The following DGKD variants were observed in gnomAD, a reference collection of about 807,000 sequenced individuals.
DGKD encodes the protein DAG kinase delta.
DGKD carries 68 observed loss-of-function variants against 154.4 expected under a neutral mutation model. The observed-to-expected ratio is 0.44, with a 90% CI of 0.36 to 0.54. The LOEUF (loss-of-function observed/expected upper bound fraction) is 0.54, where lower values mean the gene tolerates loss of function less well. DGKD is among the 20% of genes least tolerant of loss of function. The pLI, the probability that DGKD is intolerant of heterozygous loss-of-function variation, is 0.00. For synonymous variants in DGKD, 693 were observed against 638.0 expected (o/e 1.09, Z -1.30); for missense variants, 1,343 against 1,593.6 (o/e 0.84, Z 2.68).
intron 1 of DGKD, among the ~76,000 whole-genome samples, chr2:233,361,386 C>T (rs1285013532): frequency 6.6e-6 from 1 of 152,176 alleles, no homozygotes; most frequent in Non-Finnish European, 1.5e-5. Flanking sequence ...TCCCTCTAAT[C>T]CTCCCAGTTA....
At chr2:233,447,395 A>T in intron 12 of DGKD, 1 of 805,724 alleles carries the variant, frequency 1.2e-6, no homozygotes, top group Non-Finnish European at 1.5e-6. Context: ...TAGTACAAAG[A>T]GGTGAGCTTT....
At chr2:233,356,944 T>C (rs1701555923) in intron 1 of DGKD, among the ~76,000 whole-genome samples, 1 of 152,254 alleles carries the variant, frequency 6.6e-6, no homozygotes, top group South Asian at 2.1e-4. Flanking sequence ...AGAACTCACC[T>C]TAAGTATTTG....
intron 3 of DGKD, among the ~76,000 whole-genome samples, chr2:233,424,670 C>T (rs914856703): frequency 2.0e-5 from 3 of 152,210 alleles, no homozygotes; most frequent in African/African-American, 7.2e-5. Context: ...CAGGGCTCCG[C>T]CTGGAGCCCC....
At chr2:233,403,771 C>G (rs910541616) in intron 3 of DGKD, among the ~76,000 whole-genome samples, 1 of 151,766 alleles carries the variant, frequency 6.6e-6, no homozygotes. Flanking sequence ...TCCTGAGTAG[C>G]TGGGATTATA....
At chr2:233,374,570 A>G (rs1197257991) in intron 1 of DGKD, among the ~76,000 whole-genome samples, 1 of 152,052 alleles carries the variant, frequency 6.6e-6, no homozygotes, top group Non-Finnish European at 1.5e-5. Context: ...CCTGGGCACA[A>G]GTGATTTGCC....
At chr2:233,466,466 C>A (rs2063825624) in intron 27 of DGKD, among the ~76,000 whole-genome samples, 1 of 152,038 alleles carries the variant, frequency 6.6e-6, no homozygotes, top group Admixed American at 6.6e-5. Flanking sequence ...GTTTTACTTT[C>A]AAGCTTTATT....
At chr2:233,411,528 A>C (rs1312820204) in intron 3 of DGKD, among the ~76,000 whole-genome samples, 2 of 151,962 alleles carry the variant, frequency 1.3e-5, no homozygotes, top group Non-Finnish European at 2.9e-5. Context: ...CATTTTTTTA[A>C]TTGGGTTCTT....
intron 16 of DGKD, 81 bp from the exon 17 acceptor site, chr2:233,450,841 T>A (rs1575148400): frequency 6.5e-7 from 1 of 1,535,644 alleles, no homozygotes; most frequent in Non-Finnish European, 8.9e-7. Flanking sequence ...CCCTCCCACC[T>A]GCTCGTGTCG....
chr2:233,434,702 C>T (rs1033708646), intron 4 of DGKD, 67 bp from the exon 5 acceptor site: 3 of 1,572,832 alleles, frequency 1.9e-6, no homozygotes, highest in Non-Finnish European at 8.6e-7. Context: ...TAATCTTGTC[C>T]AAGTTACTGC....
chr2:233,416,128 G>A (rs1255979283), intron 3 of DGKD, among the ~76,000 whole-genome samples: 1 of 151,976 alleles, frequency 6.6e-6, no homozygotes, highest in African/African-American at 2.4e-5. Flanking sequence ...ATGTTTTATT[G>A]TGGTAGAATA....
chr2:233,382,406 C>A (rs1702949772), intron 1 of DGKD, among the ~76,000 whole-genome samples: 1 of 152,140 alleles, frequency 6.6e-6, no homozygotes, highest in South Asian at 2.1e-4. Context: ...GTTTTACCTG[C>A]TTTTTTGTTG....
chr2:233,419,318 T>G (rs1277861795), intron 3 of DGKD: 1 of 985,434 alleles, frequency 1.0e-6, no homozygotes, highest in Non-Finnish European at 1.2e-6. Flanking sequence ...ATCTGTAGGC[T>G]CTTGCCCATT....
At chr2:233,414,517 C>T (rs978094375) in intron 3 of DGKD, among the ~76,000 whole-genome samples, 4 of 152,200 alleles carry the variant, frequency 2.6e-5, no homozygotes, top group African/African-American at 7.2e-5. Context: ...GGGGAGACCA[C>T]GGCATGCCTT....
At chr2:233,446,601 T>C (rs1335475453) in intron 11 of DGKD, 111 bp from the exon 12 acceptor site, 2 of 1,113,248 alleles carry the variant, frequency 1.8e-6, no homozygotes, top group African/African-American at 1.5e-5. Flanking sequence ...AAAAATGAAG[T>C]CAGAAACGGT....
At position 233,459,059 on chromosome 2, in the gene DGKD, A is replaced by G. The variant is rs2063544490; in HGVS notation, c.2694+662A>G. 1.3e-5 allele frequency among the ~76,000 whole-genome samples: 2 copies of G among 152,060 alleles called. No homozygotes were observed. The highest frequency in any genetic ancestry group is 4.1e-4 in the South Asian group (2 of 4,822). ...TGGCTCTGATGTGGGGTGTGGGAGG[A>G]TTTCCAGCTGGGGCCCTCGATCATG... is the stretch of plus-strand genomic sequence containing the variant. On this transcript the variant is annotated intron_variant, in intron 22 of 29. Transcript: ENST00000264057. The surrounding 1 kb of genome is among the most constrained non-coding windows in gnomAD (Gnocchi z 5.7).
chr2:233,363,580 A>G (rs377655787), intron 1 of DGKD, among the ~76,000 whole-genome samples: 1 of 152,236 alleles, frequency 6.6e-6, no homozygotes, highest in Non-Finnish European at 1.5e-5. Context: ...CAAAGCATAG[A>G]GTACTGGTCA....
chr2:233,438,808 A>ATCTATCTG lies in DGKD; in HGVS notation c.1085+431_1085+438dup, dbSNP rs1268602077. On this transcript the variant is annotated intron_variant, in intron 9 of 29. Transcript: ENST00000264057. This position sits in a 1 kb window ranked among gnomAD's most constrained non-coding sequence, Gnocchi z 4.1. Reference sequence around the variant, plus strand: ...TATCTATCTATCTATCTATCTATCTATCTATCTGTGGGTGTATTTTCCTGG... The same window carrying ATCTATCTG: ...TATCTATCTATCTATCTATCTATCTATCTATCTGTCTATCTGTGGGTGTATTTTCCTGG... Among the ~76,000 whole-genome samples the ATCTATCTG allele has an allele frequency of 9.2e-5, 12 of 130,626 alleles. No homozygotes were observed. The highest frequency in any genetic ancestry group is 7.3e-4 in the Admixed American group (9 of 12,362). The allele number at this position is 130,626 out of a possible 152,430, so 85.7% of individuals were successfully genotyped here.
In DGKD at chr2:233,440,962, G is replaced by T. The variant is rs2062866541; in HGVS notation, c.1086-925G>T. 6.6e-6 allele frequency among the ~76,000 whole-genome samples: 1 copy of T among 152,160 alleles called. No individual in the cohort carries two copies. The highest frequency in any genetic ancestry group is 2.4e-5 in the African/African-American group (1 of 41,428). On this transcript the variant is annotated intron_variant, in intron 9 of 29. Transcript: ENST00000264057. The surrounding 1 kb of genome is among the most constrained non-coding windows in gnomAD (Gnocchi z 4.9). Reference sequence around the variant, plus strand: ...TGCAGGCTGAGAGGAGGTGGGTCTGGCCTCTGGACTGGGTTGGTGGTCGAG... The same window carrying T: ...TGCAGGCTGAGAGGAGGTGGGTCTGTCCTCTGGACTGGGTTGGTGGTCGAG...
intron 2 of DGKD, among the ~76,000 whole-genome samples, chr2:233,390,145 T>TGA (rs1703496283): frequency 6.6e-6 from 1 of 152,224 alleles, no homozygotes; most frequent in African/African-American, 2.4e-5. Flanking sequence ...TCTTTCTTCC[T>TGA]TCACTAATGC....
Sources: gnomAD v4.1 joint callset for allele counts (sites outside exome capture counted in the v4.1 genomes callset) on GRCh38, gnomAD v4.1.1 for gene constraint, Gnocchi (gnomAD v3.1) non-coding constraint, MANE v1.5 for transcripts, NCBI Gene and HGNC (gene_info 2026-07-23, HGNC 2026-07-21) for gene names.